The following PAN3 variants were observed in gnomAD, a reference collection of about 807,000 sequenced individuals.
The protein encoded by PAN3 is PAN2-PAN3 deadenylation complex subunit PAN3.
Under a neutral mutation model 96.2 loss-of-function variants are expected in PAN3, and 19 were observed. That is an observed-to-expected ratio of 0.20 (90% CI 0.14 to 0.29). The LOEUF is 0.29. Ranked by LOEUF, PAN3 falls within the 10% of genes least tolerant of loss-of-function variation. The probability of loss-of-function intolerance (pLI) is 1.00; values close to 1 mark genes in which losing one functional copy is unlikely to be tolerated. For synonymous variants in PAN3, 433 were observed against 406.6 expected (o/e 1.06, Z -0.78); for missense variants, 882 against 1,108.1 (o/e 0.80, Z 2.90).
intron 1 of PAN3, among the ~76,000 whole-genome samples, chr13:28,141,003 CTT>C (rs979248659): frequency 3.7e-4 from 42 of 112,894 alleles, no homozygotes; most frequent in African/African-American, 6.2e-4. Context: ...GAAAGAGACA[CTT>C]TTTTTTTTTT....
chr13:28,139,396 G>A, intron 1 of PAN3, among the ~76,000 whole-genome samples: 1 of 150,612 alleles, frequency 6.6e-6, no homozygotes, highest in South Asian at 2.1e-4. Flanking sequence ...TGTGAGAAAG[G>A]GGGTGTCGTT....
At chr13:28,287,432 T>C (rs1442756649) in intron 17 of PAN3, among the ~76,000 whole-genome samples, 1 of 152,210 alleles carries the variant, frequency 6.6e-6, no homozygotes, top group Non-Finnish European at 1.5e-5. Flanking sequence ...TATGTAAATA[T>C]GCAGTTACAG....
rs1593333715 is a variant in PAN3 at position 28,138,745 on chromosome 13, C to T, written c.88C>T (p.Pro30Ser). The T allele has an allele frequency of 7.6e-7, 1 of 1,321,292 alleles. No individual in the cohort carries two copies. The highest frequency in any genetic ancestry group is 3.1e-5 in the East Asian group (1 of 32,180). The allele number at this position is 1,321,292 out of a possible 1,614,324, so 81.8% of individuals were successfully genotyped here. ...GGCGGCGGCGGTGGCGGTGGTGGCCCCGCCGGGGGTCGGGGGTGTCCCCGG... is the reference window on the plus strand; with the variant it reads ...GGCGGCGGCGGTGGCGGTGGTGGCCTCGCCGGGGGTCGGGGGTGTCCCCGG... The part of the protein sequence containing the change: ...SLAAAVAVVA[P>S]PGVGGVPGGA... Residue 30 changes from proline to serine, a missense_variant, in exon 1 of 19, where the codon CCG (proline) becomes TCG (serine). Physicochemically the swap from Pro to Ser is moderately conservative, Grantham distance 74 (BLOSUM62 -1). This residue lies in a region of PAN3 where 442 missense variants were observed against 422.8 expected (regional missense o/e 1.05). Transcript: ENST00000380958.
intron 5 of PAN3, among the ~76,000 whole-genome samples, chr13:28,218,878 G>A (rs1259742937): frequency 6.6e-6 from 1 of 152,064 alleles, no homozygotes; most frequent in Non-Finnish European, 1.5e-5. Context: ...TGAAGTCCAC[G>A]TCTCTAGGCA....
At chr13:28,138,534 G>C (rs1488377983), upstream of PAN3, 6 of 159,376 alleles carry the variant, frequency 3.8e-5, no homozygotes, top group African/African-American at 1.1e-4. Flanking sequence ...CTCCCGCAGC[G>C]GGACAGACCC....
At chr13:28,212,715 A>T (rs997926503) in intron 5 of PAN3, among the ~76,000 whole-genome samples, 1 of 152,168 alleles carries the variant, frequency 6.6e-6, no homozygotes, top group Non-Finnish European at 1.5e-5. Context: ...AATATGTTTG[A>T]TGGGATTAAT....
At chr13:28,206,362 C>G (rs1036875191) in intron 5 of PAN3, among the ~76,000 whole-genome samples, 15 of 119,752 alleles carry the variant, frequency 1.3e-4, no homozygotes, top group Non-Finnish European at 2.1e-4. Flanking sequence ...CGCACTGATT[C>G]ACCCAGGCTG....
At chr13:28,215,284 G>T in intron 5 of PAN3, 1 of 710,156 alleles carries the variant, frequency 1.4e-6, no homozygotes. Flanking sequence ...TACAAAATTG[G>T]TGGTATTGGT....
At chr13:28,185,517 A>G (rs1876343299) in intron 4 of PAN3, among the ~76,000 whole-genome samples, 1 of 152,178 alleles carries the variant, frequency 6.6e-6, no homozygotes. Flanking sequence ...TGTTTAATCC[A>G]GAAAACTTCC....
chr13:28,194,582 C>G (rs561026876), intron 4 of PAN3, among the ~76,000 whole-genome samples: 1 of 150,586 alleles, frequency 6.6e-6, no homozygotes, highest in East Asian at 1.9e-4. Flanking sequence ...GCAATTCTGC[C>G]TCAGCCTCCC....
chr13:28,272,206 T>A lies in PAN3; in HGVS notation c.2049+135T>A, dbSNP rs1886671704. 6.0e-6 allele frequency: 3 copies of A among 502,580 alleles called. No homozygotes were observed. In the South Asian group the frequency reaches 1.0e-4, roughly 17 times the overall value. The allele number at this position is 502,580 out of a possible 1,614,324, so 31.1% of individuals were successfully genotyped here. On this transcript the variant is annotated intron_variant, in intron 14 of 18. Transcript: ENST00000380958. ...GTGGTGTCTATGCAGACTTTGAACA[T>A]GTATCTCCCCCTCCCCTCCCTCTCT...
intron 4 of PAN3, among the ~76,000 whole-genome samples, chr13:28,185,791 C>G (rs1876385461): frequency 6.6e-6 from 1 of 152,094 alleles, no homozygotes; most frequent in South Asian, 2.1e-4. Context: ...TAAGTAAAAC[C>G]ATGGTGCATT....
chr13:28,197,198 G>C lies in PAN3; in HGVS notation c.704G>C (p.Arg235Pro). ...TCTTTTTCCTAGCCAAGGAAGTATC[G>C]CCTGGGGATGCTGGAGGAGAGGCTA... ...ISQRRKPRKY[R>P]LGMLEERLVP... The change falls in exon 5 of 19, where the codon CGC (arginine) becomes CCC (proline). Residue 235 changes from arginine to proline, a missense_variant. Physicochemically the swap from Arg to Pro is moderately radical, Grantham distance 103. This residue lies in a region of PAN3 where 442 missense variants were observed against 422.8 expected (regional missense o/e 1.05). Transcript: ENST00000380958. 3.7e-6 allele frequency: 6 copies of C among 1,612,706 alleles called. No homozygotes were observed. Among genetic ancestry groups the C allele is most frequent in the Non-Finnish European group, 5.1e-6 (6 of 1,179,324 alleles).
At chr13:28,220,087 A>G (rs1203350674) in intron 5 of PAN3, 144 bp from the exon 6 acceptor site, 3 of 773,348 alleles carry the variant, frequency 3.9e-6, no homozygotes, top group Non-Finnish European at 5.8e-6. Flanking sequence ...ATGACACACC[A>G]AAATATGGAA....
chr13:28,189,191 G>A (rs1002529100), intron 4 of PAN3, among the ~76,000 whole-genome samples: 2 of 152,104 alleles, frequency 1.3e-5, no homozygotes, highest in East Asian at 1.9e-4. Context: ...GGAAAAGCTA[G>A]GGCTTTGAGG....
At chr13:28,254,807 TG>T (rs1319006417) in intron 6 of PAN3, among the ~76,000 whole-genome samples, 1 of 152,098 alleles carries the variant, frequency 6.6e-6, no homozygotes, top group African/African-American at 2.4e-5. Flanking sequence ...CAGTAGACAT[TG>T]TGTTATAGTA....
chr13:28,191,308 G>A (rs1877230266), intron 4 of PAN3, among the ~76,000 whole-genome samples: 1 of 152,146 alleles, frequency 6.6e-6, no homozygotes, highest in South Asian at 2.1e-4. Context: ...GTTGCCACAA[G>A]TAAGCTTTCA....
At position 28,144,718 on chromosome 13, in the gene PAN3, C is replaced by CCTTTTTT. The variant is rs1555267661; in HGVS notation, c.430+5631_430+5632insCTTTTTT. On this transcript the variant is annotated intron_variant, in intron 1 of 18. Coordinates refer to ENST00000380958, the MANE Select transcript of PAN3 (RefSeq NM_175854.8). ...TATCAAAAGCAAACCAAAACATCAT[C>CCTTTTTT]TTTTTTTTTTTTTTTTTTTTTCCTC... Among the ~76,000 whole-genome samples, 21 of 46,776 alleles carry CCTTTTTT rather than the reference C, an allele frequency of 4.5e-4. 9 individuals are homozygous for CCTTTTTT. Among genetic ancestry groups the CCTTTTTT allele is most frequent in the East Asian group, 5.5e-4 (1 of 1,826 alleles). 30.7% of individuals were successfully genotyped at this position (46,776 alleles called of 152,430 possible). A position where few individuals can be genotyped will look rare whatever the true frequency, so the allele number is the denominator to read the frequency against.
intron 1 of PAN3, among the ~76,000 whole-genome samples, chr13:28,145,282 A>G (rs1870479518): frequency 6.6e-6 from 1 of 151,736 alleles, no homozygotes. Flanking sequence ...TACATATTAC[A>G]GATCGTGCCT....
Sources: allele counts gnomAD v4.1 joint callset (sites outside exome capture counted in the v4.1 genomes callset), GRCh38; gene constraint gnomAD v4.1.1; regional missense constraint gnomAD v4.1.1; transcripts MANE v1.5; gene names NCBI Gene and HGNC (gene_info 2026-07-23, HGNC 2026-07-21).